The following OR5T2 variants were observed in gnomAD, a reference collection of about 807,000 sequenced individuals.
OR5T2 encodes the protein olfactory receptor 5T2.
Under a neutral mutation model 13.7 loss-of-function variants are expected in OR5T2, and 12 were observed. That is an observed-to-expected ratio of 0.88 (90% CI 0.56 to 1.42). The LOEUF (loss-of-function observed/expected upper bound fraction) is 1.42. Among genes scored for constraint, OR5T2 ranks in the 40% most tolerant of loss-of-function variants. The pLI, the probability that OR5T2 is intolerant of heterozygous loss-of-function variation, is 0.00. For missense variants in OR5T2, 475 were observed against 372.0 expected, an observed-to-expected ratio of 1.28 and a Z score of -2.28; for synonymous variants, 146 against 139.5, an observed-to-expected ratio of 1.05 and a Z score of -0.33.
rs1201594523 is a variant in OR5T2, at chr11:56,233,274, C to A, written c.-202-10G>T. On this transcript the variant is annotated splice_polypyrimidine_tract_variant and intron_variant, in intron 1 of 1. Coordinates refer to ENST00000641661, the MANE Select transcript of OR5T2 (RefSeq NM_001004746.4). The stretch of plus-strand genomic sequence containing the variant: ...GTGTTCATGCCACTCACTGCAGAAT[C>A]AAATGGAAGAAATGGACGTTCATTA... 4.8e-6 allele frequency: 5 copies of A among 1,046,236 alleles called. No homozygotes were observed. The African/African-American group carries it at 8.1e-5, about 17-fold the overall frequency. 64.8% of individuals were successfully genotyped at this position (1,046,236 alleles called of 1,614,324 possible). A position where few individuals can be genotyped will look rare whatever the true frequency, so the allele number is the denominator to read the frequency against.
At position 56,232,937 on chromosome 11, in the gene OR5T2, T is replaced by C; in HGVS notation, c.126A>G (p.Gly42=). The C allele has an allele frequency of 6.2e-7, 1 of 1,611,402 alleles. No homozygotes were observed. The highest frequency in any genetic ancestry group is 8.5e-7 in the Non-Finnish European group (1 of 1,178,792). ...AATCCCTAATGACCACTAAAATCAG[T>C]CCTAAATTTCCCATGAGAGTGAAGA... ...IYLFTLMGNL[G]LILVVIRDSQ... Residue 42 remains glycine, a synonymous_variant, in exon 2 of 2, where the codon GGA becomes GGG. Coordinates refer to ENST00000641661, the MANE Select transcript of OR5T2 (RefSeq NM_001004746.4).
At chr11:56,233,497 C>T (rs1029661941) in intron 1 of OR5T2, among the ~76,000 whole-genome samples, 1 of 152,064 alleles carries the variant, frequency 6.6e-6, no homozygotes, top group Non-Finnish European at 1.5e-5. Context: ...AATTTTAGAA[C>T]TTGTAGCAAT....
Position 56,232,071 on chromosome 11 carries a change from TTGAGGTGCAGAGTATCACCCTCAC to T in OR5T2, c.*11_*34del. ...ACACCACAATGACACATTCTTGGTATTGAGGTGCAGAGTATCACCCTCACCTTTTATAATTTATTTTTTAGTATG... is the reference window on the plus strand; with the variant it reads ...ACACCACAATGACACATTCTTGGTATCTTTTATAATTTATTTTTTAGTATG... On this transcript the variant is annotated 3_prime_UTR_variant, in exon 2 of 2. Transcript: ENST00000641661. 1.4e-6 allele frequency: 2 copies of T among 1,469,514 alleles called. No homozygotes were observed. Among genetic ancestry groups the T allele is most frequent in the Non-Finnish European group, 1.8e-6 (2 of 1,100,054 alleles). 91.0% of individuals were successfully genotyped at this position (1,469,514 alleles called of 1,614,324 possible).
chr11:56,233,304 G>C, intron 1 of OR5T2, 40 bp from the exon 2 acceptor site: 1 of 753,698 alleles, frequency 1.3e-6, no homozygotes, highest in Non-Finnish European at 2.0e-6. Context: ...TCATTAGTTG[G>C]CTGGACTTAT....
rs138094157 is a variant in OR5T2 at position 56,232,348 on chromosome 11, A to G, written c.715T>C (p.Cys239Arg). 14 of 1,607,964 alleles carry G rather than the reference A, an allele frequency of 8.7e-6. No homozygotes were observed. The African/African-American group carries it at 1.3e-4, about 15-fold the overall frequency. The change falls in exon 2 of 2, where the codon TGT becomes CGT. Residue 239 changes from cysteine (C) to arginine (R), a missense_variant. Coordinates refer to ENST00000641661, the MANE Select transcript of OR5T2 (RefSeq NM_001004746.4). ...GACACTCCAGTTAGGTGAGCTCCACATGTGGAGAAGACTTTTCTCCTCCCT... is the reference window on the plus strand; with the variant it reads ...GACACTCCAGTTAGGTGAGCTCCACGTGTGGAGAAGACTTTTCTCCTCCCT... Reference protein sequence around the residue: ...AEGRRKVFSTCGAHLTGVSIY... With the variant: ...AEGRRKVFSTRGAHLTGVSIY...
rs534970555 is a variant in OR5T2 at position 56,232,158 on chromosome 11, A to AT, written c.904dup (p.Met302AsnfsTer10). The AT allele has an allele frequency of 7.2e-4, 1,137 of 1,580,020 alleles. 4 individuals are homozygous for AT. The highest frequency in any genetic ancestry group is 1.1e-3 in the East Asian group (48 of 44,748). On this transcript the variant is annotated frameshift_variant, in exon 2 of 2. Transcript: ENST00000641661. LOFTEE classifies it high-confidence loss of function. The stretch of plus-strand genomic sequence containing the variant: ...ATTGATAACCTGATTTTTCCCAAAC[A>AT]TTTTTTTCATTGAGTCTTTTACATC...
In OR5T2 at chr11:56,232,991, G is replaced by A; in HGVS notation, c.72C>T (p.Ile24=). The A allele has an allele frequency of 6.2e-7, 1 of 1,606,740 alleles. No individual in the cohort carries two copies. Among genetic ancestry groups the A allele is most frequent in the East Asian group, 2.2e-5 (1 of 44,786 alleles). The change falls in exon 2 of 2, where the codon ATC becomes ATT. Residue 24 remains isoleucine, a synonymous_variant. Coordinates refer to ENST00000641661, the MANE Select transcript of OR5T2 (RefSeq NM_001004746.4). ...AGATTGCTAGAAACAGGAAGAAGAA[G>A]ATAGTCTGCAGTTCAAGATTGTCTG... ...GFTDNLELQT[I]FFFLFLAIYL... is the part of the protein sequence containing the mutation.
Position 56,232,501 on chromosome 11 carries a change from A to C in OR5T2, c.562T>G (p.Ser188Ala). The C allele has an allele frequency of 6.2e-7, 1 of 1,608,634 alleles. No individual in the cohort carries two copies. Among genetic ancestry groups the C allele is most frequent in the South Asian group, 1.1e-5 (1 of 90,182 alleles). Residue 188 changes from serine to alanine, a missense_variant, in exon 2 of 2, where the codon TCT becomes GCT. Physicochemically the swap from Ser to Ala is moderately conservative, Grantham distance 99. Coordinates refer to ENST00000641661, the MANE Select transcript of OR5T2 (RefSeq NM_001004746.4). ...AGAAGCTGGTTTGTGTGAGTGTCAGAATAAGAAATAGCAAGGAGAGGAGGG... is the reference window on the plus strand; with the variant it reads ...AGAAGCTGGTTTGTGTGAGTGTCAGCATAAGAAATAGCAAGGAGAGGAGGG... ...DIPPLLAISY[S>A]DTHTNQLLLF...
In OR5T2 at chr11:56,232,932, A is replaced by G. The variant is rs774519818; in HGVS notation, c.131T>C (p.Ile44Thr). Residue 44 changes from isoleucine to threonine, a missense_variant, in exon 2 of 2, where the codon ATT becomes ACT. By Grantham distance (89) the Ile-to-Thr change is moderately conservative. Transcript: ENST00000641661. ...LFTLMGNLGL[I>T]LVVIRDSQLH... ...CTGGGAATCCCTAATGACCACTAAAATCAGTCCTAAATTTCCCATGAGAGT... is the reference window on the plus strand; with the variant it reads ...CTGGGAATCCCTAATGACCACTAAAGTCAGTCCTAAATTTCCCATGAGAGT... The G allele has an allele frequency of 2.0e-5, 32 of 1,611,486 alleles. 1 individual carries two copies. The Middle Eastern group carries it at 4.9e-4, about 25-fold the overall frequency.
Position 56,232,885 on chromosome 11 carries a change from AATAGTAC to A in OR5T2, c.171_177del (p.Met57IlefsTer3). ...TCCACAGAAGACAACATACTCAGAA[AATAGTAC>A]ATGGGTTTGTGGAGCTGGGAATCCC... On this transcript the variant is annotated frameshift_variant, in exon 2 of 2. Coordinates refer to ENST00000641661, the MANE Select transcript of OR5T2 (RefSeq NM_001004746.4). LOFTEE classifies it high-confidence loss of function. 6.2e-7 allele frequency: 1 copy of A among 1,612,234 alleles called. No individual in the cohort carries two copies. The highest frequency in any genetic ancestry group is 8.5e-7 in the Non-Finnish European group (1 of 1,179,154).
At position 56,232,544 on chromosome 11, in the gene OR5T2, C is replaced by A. The variant is rs150886969; in HGVS notation, c.519G>T (p.Arg173Ser). The change falls in exon 2 of 2, where the codon AGG becomes AGT. Residue 173 changes from arginine (R) to serine (S), a missense_variant. Arg to Ser is a moderately radical substitution (Grantham distance 110, BLOSUM62 -1). Transcript: ENST00000641661. Reference protein sequence around the residue: ...SLSFCGANEIRRVFCDIPPLL... With the variant: ...SLSFCGANEISRVFCDIPPLL... ...GAGGAGGGATATCACAAAAGACACG[C>A]CTAATTTCATTGGCTCCACAGAAGG... 4,285 of 1,613,496 alleles carry A rather than the reference C, an allele frequency of 2.7e-3. 11 individuals carry two copies. The highest frequency in any genetic ancestry group is 3.4e-3 in the Non-Finnish European group (4,047 of 1,179,710).
Position 56,232,200 on chromosome 11 carries a change from T to C in OR5T2, c.863A>G (p.Tyr288Cys), listed in dbSNP as rs566624598. ...TTTTACATCTTTGTTCCTCAAACTG[T>C]AGATGACGGGATTCAGCAAGGGAAT... ...IVIPLLNPVI[Y>C]SLRNKDVKDS... Residue 288 changes from tyrosine (Y) to cysteine (C), a missense_variant, in exon 2 of 2, where the codon TAC (tyrosine) becomes TGC (cysteine). By Grantham distance (194) the Tyr-to-Cys change is radical. Coordinates refer to ENST00000641661, the MANE Select transcript of OR5T2 (RefSeq NM_001004746.4). 3 of 1,612,138 alleles carry C rather than the reference T, an allele frequency of 1.9e-6. 1 individual carries two copies. The highest frequency in any genetic ancestry group is 2.7e-5 in the African/African-American group (2 of 74,976).
rs1378040221 is a variant in OR5T2 at position 56,233,208 on chromosome 11, C to A, written c.-146G>T. On this transcript the variant is annotated 5_prime_UTR_variant, in exon 2 of 2. The change creates a premature stop within an existing upstream ORF in the 5' untranslated region. Transcript: ENST00000641661. ...CATATATTCAGCAGTGCATAATTCT[C>A]TAGTAGTGAATCAGAAGACAGTGAC... 1.4e-6 allele frequency: 2 copies of A among 1,464,432 alleles called. No individual in the cohort carries two copies. Among genetic ancestry groups the A allele is most frequent in the East Asian group, 2.4e-5 (1 of 41,888 alleles). The allele number at this position is 1,464,432 out of a possible 1,614,324, so 90.7% of individuals were successfully genotyped here. A position where few individuals can be genotyped will look rare whatever the true frequency, so the allele number is the denominator to read the frequency against.
Position 56,232,821 on chromosome 11 carries a change from A to C in OR5T2, c.242T>G (p.Val81Gly). The C allele has an allele frequency of 6.2e-7, 1 of 1,613,822 alleles. No individual in the cohort carries two copies. The highest frequency in any genetic ancestry group is 8.5e-7 in the Non-Finnish European group (1 of 1,179,832). ...YSSVITPNML[V>G]DFTTKNKVIS... Reference sequence around the variant, plus strand: ...GACTTTATTCTTTGTCGTAAAATCTACTAACATATTTGGGGTAATAACTGA... The same window carrying C: ...GACTTTATTCTTTGTCGTAAAATCTCCTAACATATTTGGGGTAATAACTGA... The change falls in exon 2 of 2, where the codon GTA (valine) becomes GGA (glycine). Residue 81 changes from valine (V) to glycine (G), a missense_variant. By Grantham distance (109) the Val-to-Gly change is moderately radical (BLOSUM62 -3). Coordinates refer to ENST00000641661, the MANE Select transcript of OR5T2 (RefSeq NM_001004746.4).
intron 1 of OR5T2, among the ~76,000 whole-genome samples, chr11:56,233,972 A>G (rs1328858048): frequency 6.6e-6 from 1 of 152,018 alleles, no homozygotes; most frequent in Non-Finnish European, 1.5e-5. Context: ...TCAGAGTTAT[A>G]AAGAGAAAAT....
rs746782483 is a variant in OR5T2 at position 56,231,503 on chromosome 11, C to A, written c.*603G>T. 7 of 152,166 alleles carry A rather than the reference C, an allele frequency of 4.6e-5. No homozygotes were observed. Among genetic ancestry groups the A allele is most frequent in the Non-Finnish European group, 7.3e-5 (5 of 68,076 alleles). 9.4% of individuals were successfully genotyped at this position (152,166 alleles called of 1,614,324 possible). A position where few individuals can be genotyped will look rare whatever the true frequency, so the allele number is the denominator to read the frequency against. On this transcript the variant is annotated 3_prime_UTR_variant, in exon 2 of 2. Transcript: ENST00000641661. ...TCCCCAAAACTGCCCCCTGACAACACCAGTCACAAATTCGGGTCTCTGAAA... is the reference window on the plus strand; with the variant it reads ...TCCCCAAAACTGCCCCCTGACAACAACAGTCACAAATTCGGGTCTCTGAAA...
In OR5T2 at chr11:56,233,230, T is replaced by C; in HGVS notation, c.-168A>G. On this transcript the variant is annotated 5_prime_UTR_variant, in exon 2 of 2. Coordinates refer to ENST00000641661, the MANE Select transcript of OR5T2 (RefSeq NM_001004746.4). ...TCTCTAGTAGTGAATCAGAAGACAG[T>C]GACAAACTGGTCAGCCATGTGTTCA... is the stretch of plus-strand genomic sequence containing the variant. 1 of 1,446,380 alleles carries C rather than the reference T, an allele frequency of 6.9e-7. No individual in the cohort carries two copies. The highest frequency in any genetic ancestry group is 9.1e-7 in the Non-Finnish European group (1 of 1,095,972). The allele number at this position is 1,446,380 out of a possible 1,614,324, so 89.6% of individuals were successfully genotyped here.
Position 56,232,897 on chromosome 11 carries a change from G to A in OR5T2, c.166C>T (p.Pro56Ser). The A allele has an allele frequency of 6.2e-7, 1 of 1,612,254 alleles. No individual in the cohort carries two copies. The highest frequency in any genetic ancestry group is 8.5e-7 in the Non-Finnish European group (1 of 1,179,132). Reference sequence around the variant, plus strand: ...AACATACTCAGAAAATAGTACATGGGTTTGTGGAGCTGGGAATCCCTAATG... The same window carrying A: ...AACATACTCAGAAAATAGTACATGGATTTGTGGAGCTGGGAATCCCTAATG... ...VVIRDSQLHK[P>S]MYYFLSMLSS... is the part of the protein sequence containing the mutation. The change falls in exon 2 of 2, where the codon CCC (proline) becomes TCC (serine). Residue 56 changes from proline (P) to serine (S), a missense_variant. Transcript: ENST00000641661.
At position 56,232,503 on chromosome 11, in the gene OR5T2, T is replaced by C; in HGVS notation, c.560A>G (p.Tyr187Cys). 3.7e-6 allele frequency: 6 copies of C among 1,608,778 alleles called. No individual in the cohort carries two copies. The highest frequency in any genetic ancestry group is 1.3e-5 in the African/African-American group (1 of 74,950). Residue 187 changes from tyrosine (Y) to cysteine (C), a missense_variant, in exon 2 of 2, where the codon TAT becomes TGT. Transcript: ENST00000641661. ...CDIPPLLAISYSDTHTNQLLL... is the reference protein window; with the variant it reads ...CDIPPLLAISCSDTHTNQLLL... ...AAGCTGGTTTGTGTGAGTGTCAGAA[T>C]AAGAAATAGCAAGGAGAGGAGGGAT...
Sources: allele counts gnomAD v4.1 joint callset (sites outside exome capture counted in the v4.1 genomes callset), GRCh38; gene constraint gnomAD v4.1.1; transcripts MANE v1.5; gene names NCBI Gene and HGNC (gene_info 2026-07-23, HGNC 2026-07-21).